Variants in KIF12 observed in about 807,000 individuals in gnomAD.
The protein encoded by KIF12 is kinesin family member 12, also known as kinesin-like protein KIF12.
KIF12 carries 80 observed loss-of-function variants against 87.9 expected under a neutral mutation model. The ratio of observed to expected loss-of-function variants is 0.91; its 90% CI spans 0.76 to 1.10. KIF12 has a LOEUF of 1.10. KIF12 is among the 50% of genes least tolerant of loss of function. KIF12 has a pLI of 0.00. For missense variants in KIF12, 819 were observed against 865.3 expected, an observed-to-expected ratio of 0.95 and a Z score of 0.67; for synonymous variants, 353 against 348.5, an observed-to-expected ratio of 1.01 and a Z score of -0.14.
chr9:114,092,595 G>C lies in KIF12; in HGVS notation c.1644C>G (p.Pro548=). The part of the protein sequence containing the change: ...ASGGRPPSAR[P]PPWAPPCSPG... ...GGCTGCATGGGGGTGCCCAGGGTGGGGGCCGGGCAGATGGGGGCCTGCCAC... is the reference window on the plus strand; with the variant it reads ...GGCTGCATGGGGGTGCCCAGGGTGGCGGCCGGGCAGATGGGGGCCTGCCAC... The change falls in exon 17 of 19, where the codon CCC becomes CCG. Residue 548 remains proline (P), a synonymous_variant. Transcript: ENST00000640217. 6.2e-7 allele frequency: 1 copy of C among 1,604,534 alleles called. No individual in the cohort carries two copies. The highest frequency in any genetic ancestry group is 1.1e-5 in the South Asian group (1 of 89,814).
At chr9:114,096,555 A>G (rs1391827476) in intron 7 of KIF12, 77 bp from the exon 8 acceptor site, 1 of 1,255,988 alleles carries the variant, frequency 8.0e-7, no homozygotes, top group East Asian at 2.5e-5. Context: ...GGAGCAAAGG[A>G]ATCCTGGCGG....
intron 18 of KIF12, 140 bp from the exon 19 acceptor site, chr9:114,092,140 T>C: frequency 1.7e-6 from 1 of 595,200 alleles, no homozygotes; most frequent in East Asian, 4.8e-5. Flanking sequence ...CCATACACCA[T>C]GGGCTCCAAC....
rs1004774397 is a variant in KIF12, at chr9:114,093,970, T to G, written c.1316A>C (p.Lys439Thr). 3.1e-6 allele frequency: 5 copies of G among 1,614,008 alleles called. No individual in the cohort carries two copies. The highest frequency in any genetic ancestry group is 3.4e-6 in the Non-Finnish European group (4 of 1,179,972). The change falls in exon 14 of 19, where the codon AAA becomes ACA. Residue 439 changes from lysine (K) to threonine (T), a missense_variant and splice_region_variant. By Grantham distance (78) the Lys-to-Thr change is moderately conservative (BLOSUM62 -1). Coordinates refer to ENST00000640217, the MANE Select transcript of KIF12 (RefSeq NM_001388308.1). Reference protein sequence around the residue: ...EFMLENERLRKEKSQLQNSRD... With the variant: ...EFMLENERLRTEKSQLQNSRD... ...GCTATTCTGCAGCTGGCTCTTTTCTTTCCTAGGGGAGATCACAAGCCAGGA... is the reference window on the plus strand; with the variant it reads ...GCTATTCTGCAGCTGGCTCTTTTCTGTCCTAGGGGAGATCACAAGCCAGGA...
chr9:114,095,420 A>G, intron 9 of KIF12, 88 bp from the exon 10 acceptor site: 2 of 1,401,732 alleles, frequency 1.4e-6, no homozygotes, highest in Non-Finnish European at 1.9e-6. Context: ...CTCTCCACCC[A>G]GGCCTGTGTT....
intron 8 of KIF12, 66 bp from the exon 9 acceptor site, chr9:114,096,273 G>A: frequency 1.2e-6 from 2 of 1,606,608 alleles, no homozygotes; most frequent in South Asian, 2.2e-5. Flanking sequence ...AAGGTTATGG[G>A]ACCAAGAGTT....
chr9:114,096,205 G>C lies in KIF12; in HGVS notation c.741C>G (p.Ala247=). The C allele has an allele frequency of 6.2e-7, 1 of 1,613,720 alleles. No individual in the cohort carries two copies. Residue 247 remains alanine (A), a splice_region_variant and synonymous_variant, in exon 9 of 19, where the codon GCC becomes GCG. Transcript: ENST00000640217. ...LLTLYISRQT[A]QQMPSVDPGE... ...CAGGGTCCACAGAAGGCATCTGCTG[G>C]GCCTGAGGGATCAGAGCTTCATGGG...
chr9:114,097,423 A>C lies in KIF12; in HGVS notation c.524T>G (p.Leu175Arg). 6.3e-7 allele frequency: 1 copy of C among 1,594,562 alleles called. No individual in the cohort carries two copies. Residue 175 changes from leucine to arginine, a missense_variant, in exon 7 of 19, where the codon CTG (leucine) becomes CGG (arginine). Coordinates refer to ENST00000640217, the MANE Select transcript of KIF12 (RefSeq NM_001388308.1). ...GAGGGGCCGGGGAGACCCCAGGCTCAGCAAGTCCCGAACCTGGGAGGGGAG... is the reference window on the plus strand; with the variant it reads ...GAGGGGCCGGGGAGACCCCAGGCTCCGCAAGTCCCGAACCTGGGAGGGGAG... The part of the protein sequence containing the change: ...EIYNEQVRDL[L>R]SLGSPRPLPV...
chr9:114,097,918 G>T, intron 5 of KIF12, 177 bp from the exon 6 acceptor site: 1 of 965,898 alleles, frequency 1.0e-6, no homozygotes, highest in Non-Finnish European at 1.5e-6. Flanking sequence ...GCTAGGAAGG[G>T]GCCAAAGTTG....
At chr9:114,095,566 A>G (rs1055451148) in intron 9 of KIF12, among the ~76,000 whole-genome samples, 1 of 152,222 alleles carries the variant, frequency 6.6e-6, no homozygotes, top group Non-Finnish European at 1.5e-5. Context: ...CCTGGTACTC[A>G]GGCACTCAGA....
Position 114,097,632 on chromosome 9 carries a change from G to A in KIF12, c.485C>T (p.Ser162Phe). 3.1e-6 allele frequency: 5 copies of A among 1,613,936 alleles called. No individual in the cohort carries two copies. The highest frequency in any genetic ancestry group is 4.2e-6 in the Non-Finnish European group (5 of 1,179,978). The change falls in exon 6 of 19, where the codon TCT (serine) becomes TTT (phenylalanine). Residue 162 changes from serine to phenylalanine, a missense_variant. Transcript: ENST00000640217. ...CTGCTCATTGTAGATCTCCAGATAA[G>A]AGGCGCGAAGGGTGACAGGGGCACC... ...HLGAPVTLRA[S>F]YLEIYNEQVR...
At chr9:114,098,874 G>C in intron 3 of KIF12, 61 bp downstream of exon 3, 1 of 1,523,166 alleles carries the variant, frequency 6.6e-7, no homozygotes, top group Non-Finnish European at 8.8e-7. Flanking sequence ...AGTTGCCTGG[G>C]GGAAGGGATC....
At position 114,099,144 on chromosome 9, in the gene KIF12, C is replaced by T. The variant is rs1351697386; in HGVS notation, c.52G>A (p.Gly18Arg). 22 of 1,550,688 alleles carry T rather than the reference C, an allele frequency of 1.4e-5. No homozygotes were observed. Among genetic ancestry groups the T allele is most frequent in the Middle Eastern group, 1.7e-4 (1 of 5,992 alleles). ...ATGGGCGTTTCCGGCCCCTCTGGCC[C>T]TTGCTCCAGGCTCCGCGCGAGATCC... The part of the protein sequence containing the change: ...DGDLARSLEQ[G>R]PEGPETPIQV... The change falls in exon 2 of 19, where the codon GGG (glycine) becomes AGG (arginine). Residue 18 changes from glycine (G) to arginine (R), a missense_variant. Transcript: ENST00000640217.
chr9:114,098,630 A>G (rs1847348924), intron 3 of KIF12, among the ~76,000 whole-genome samples: 1 of 94,900 alleles, frequency 1.1e-5, no homozygotes, highest in Non-Finnish European at 2.1e-5. Flanking sequence ...GGGGTGGGGG[A>G]CACTCACTAG....
rs1254718506 is a variant in KIF12 at position 114,093,434 on chromosome 9, G to A, written c.1464C>T (p.Cys488=). ...QGPGLTPPCP[C]LMAPAPPCHA... is the part of the protein sequence containing the mutation. ...GGCAAGGGGGAGCTGGGGCCATCAAGCAGGGACACGGTGGGGTCAGGCCAG... is the reference window on the plus strand; with the variant it reads ...GGCAAGGGGGAGCTGGGGCCATCAAACAGGGACACGGTGGGGTCAGGCCAG... Residue 488 remains cysteine (C), a synonymous_variant, in exon 15 of 19, where the codon TGC becomes TGT. Transcript: ENST00000640217. 1 of 1,569,960 alleles carries A rather than the reference G, an allele frequency of 6.4e-7. No individual in the cohort carries two copies. The highest frequency in any genetic ancestry group is 2.3e-5 in the East Asian group (1 of 42,914).
Position 114,095,329 on chromosome 9 carries a change from T to A in KIF12, c.899A>T (p.His300Leu). The change falls in exon 10 of 19, where the codon CAC becomes CTC. Residue 300 changes from histidine (H) to leucine (L), a missense_variant. Transcript: ENST00000640217. ...TGGGTCCAGCAGCAGGGAGATGCAG[T>A]GACCTGGGGAGGGAGAGCAAGAGTT... The part of the protein sequence containing the change: ...SINRSLLALG[H>L]CISLLLDPQR... 1 of 1,613,036 alleles carries A rather than the reference T, an allele frequency of 6.2e-7. No homozygotes were observed. Among genetic ancestry groups the A allele is most frequent in the South Asian group, 1.1e-5 (1 of 91,050 alleles).
In KIF12 at chr9:114,093,910, G is replaced by T. The variant is rs773564347; in HGVS notation, c.1376C>A (p.Ala459Asp). Residue 459 changes from alanine (A) to aspartate (D), a missense_variant, in exon 14 of 19, where the codon GCC (alanine) becomes GAC (aspartate). Transcript: ENST00000640217. The stretch of plus-strand genomic sequence containing the variant: ...CCTCTCTAGTGCATGGACCTGCTGG[G>T]CCAGGATGCGCTGCTCATTCTGGGC... Reference protein sequence around the residue: ...DLAQNEQRILAQQVHALERRL... With the variant: ...DLAQNEQRILDQQVHALERRL... The T allele has an allele frequency of 3.1e-6, 5 of 1,614,054 alleles. No homozygotes were observed. Among genetic ancestry groups the T allele is most frequent in the Non-Finnish European group, 4.2e-6 (5 of 1,179,978 alleles).
chr9:114,098,645 G>A (rs1229603682), intron 3 of KIF12, among the ~76,000 whole-genome samples: 1 of 138,700 alleles, frequency 7.2e-6, no homozygotes, highest in Non-Finnish European at 1.6e-5. Context: ...CACTAGGGCC[G>A]GGGCATTCTG....
chr9:114,097,838 TC>T (rs1386259557), intron 5 of KIF12, 97 bp from the exon 6 acceptor site: 2 of 1,338,382 alleles, frequency 1.5e-6, no homozygotes, highest in Non-Finnish European at 2.0e-6. Flanking sequence ...CGTGCCAAGT[TC>T]CCAAACAATG....
In KIF12 at chr9:114,091,715, A is replaced by G. The variant is rs1400634914; in HGVS notation, c.*146T>C. 1 of 770,366 alleles carries G rather than the reference A, an allele frequency of 1.3e-6. No homozygotes were observed. The highest frequency in any genetic ancestry group is 2.0e-6 in the Non-Finnish European group (1 of 502,398). 47.7% of individuals were successfully genotyped at this position (770,366 alleles called of 1,614,324 possible). ...TCTCCTGAATCCCCTTGTTCCCCTA[A>G]ATAGCACCCCCAGTCCCCGCCCCTA... is the stretch of plus-strand genomic sequence containing the variant. On this transcript the variant is annotated 3_prime_UTR_variant, in exon 19 of 19. Coordinates refer to ENST00000640217, the MANE Select transcript of KIF12 (RefSeq NM_001388308.1).
Sources: allele counts gnomAD v4.1 joint callset (sites outside exome capture counted in the v4.1 genomes callset), GRCh38; gene constraint gnomAD v4.1.1; transcripts MANE v1.5; gene names NCBI Gene and HGNC (gene_info 2026-07-23, HGNC 2026-07-21).